CPQ: variants seen among roughly 807,000 people sequenced by gnomAD.
CPQ encodes the protein carboxypeptidase Q.
CPQ carries 37 observed loss-of-function variants against 45.7 expected under a neutral mutation model. The observed-to-expected ratio is 0.81, with a 90% CI of 0.62 to 1.07. The LOEUF (loss-of-function observed/expected upper bound fraction) is 1.07, where lower values mean the gene tolerates loss of function less well. Among genes scored for constraint, CPQ ranks in the 50% least tolerant of loss-of-function variants. CPQ has a pLI of 0.00. For missense variants in CPQ, 537 were observed against 572.9 expected, an observed-to-expected ratio of 0.94 and a Z score of 0.64; for synonymous variants, 186 against 205.8, an observed-to-expected ratio of 0.90 and a Z score of 0.82.
intron 7 of CPQ, among the ~76,000 whole-genome samples, chr8:97,098,599 C>T (rs1172895417): frequency 1.3e-5 from 2 of 152,114 alleles, no homozygotes; most frequent in African/African-American, 4.8e-5. Context: ...TTAAGGTCCT[C>T]TTTAGATTAT....
At chr8:96,717,038 TATATATATATATATATA>T (rs1809686366) in intron 1 of CPQ, among the ~76,000 whole-genome samples, 3 of 34,288 alleles carry the variant, frequency 8.7e-5, no homozygotes, top group Non-Finnish European at 2.4e-4. Context: ...TATATATATA[TATATATATATATATATA>T]TATATATATA....
At chr8:96,931,629 G>T (rs1198156928) in intron 4 of CPQ, among the ~76,000 whole-genome samples, 1 of 152,220 alleles carries the variant, frequency 6.6e-6, no homozygotes, top group East Asian at 1.9e-4. Flanking sequence ...TTCTTCAGCT[G>T]GAGTCCCTTC....
intron 7 of CPQ, among the ~76,000 whole-genome samples, chr8:97,110,013 A>G (rs989890452): frequency 6.6e-6 from 1 of 152,152 alleles, no homozygotes; most frequent in Non-Finnish European, 1.5e-5. Context: ...CAATTGACAT[A>G]TGGTAAAATG....
intron 7 of CPQ, among the ~76,000 whole-genome samples, chr8:97,099,524 A>G (rs1811268104): frequency 6.6e-6 from 1 of 151,278 alleles, no homozygotes; most frequent in Non-Finnish European, 1.5e-5. Flanking sequence ...CATTTTGATT[A>G]TAGGAAAAAT....
chr8:96,889,974 A>G (rs554581833), intron 4 of CPQ, among the ~76,000 whole-genome samples: 35 of 152,222 alleles, frequency 2.3e-4, no homozygotes, highest in African/African-American at 7.5e-4. Context: ...CTTCAATCCA[A>G]TCAAGTTGAC....
At chr8:97,055,908 T>A (rs570194062) in intron 6 of CPQ, among the ~76,000 whole-genome samples, 1 of 152,240 alleles carries the variant, frequency 6.6e-6, no homozygotes, top group Non-Finnish European at 1.5e-5. Context: ...AAGACCAGCC[T>A]GGGCAACCTG....
At chr8:96,993,406 T>C (rs1809127798) in intron 5 of CPQ, among the ~76,000 whole-genome samples, 1 of 152,296 alleles carries the variant, frequency 6.6e-6, no homozygotes, top group East Asian at 1.9e-4. Context: ...AAAATAATGA[T>C]GTGGGTCCTG....
At chr8:96,816,477 C>G (rs778874819) in intron 2 of CPQ, among the ~76,000 whole-genome samples, 4 of 152,158 alleles carry the variant, frequency 2.6e-5, no homozygotes, top group Non-Finnish European at 4.4e-5. Context: ...GAATCAACTT[C>G]TTCCAAACTC....
At chr8:96,902,920 C>T (rs1356088853) in intron 4 of CPQ, among the ~76,000 whole-genome samples, 1 of 152,206 alleles carries the variant, frequency 6.6e-6, no homozygotes. Flanking sequence ...AGTTTTTCTT[C>T]TAGCTCATTC....
chr8:96,927,326 C>A (rs79798960), intron 4 of CPQ, among the ~76,000 whole-genome samples: 1 of 152,148 alleles, frequency 6.6e-6, no homozygotes. Context: ...TGTTCCCCAT[C>A]GTGCATGCAT....
intron 4 of CPQ, among the ~76,000 whole-genome samples, chr8:96,932,395 A>C (rs186215547): frequency 1.3e-5 from 2 of 152,348 alleles, no homozygotes; most frequent in Admixed American, 6.5e-5. Flanking sequence ...AGCATCATAA[A>C]GTATGTATCC....
chr8:96,850,115 A>C (rs1811751075), intron 3 of CPQ, among the ~76,000 whole-genome samples: 1 of 152,178 alleles, frequency 6.6e-6, no homozygotes, highest in Non-Finnish European at 1.5e-5. Context: ...AGGAGTTAGA[A>C]TATTCAATGT....
intron 4 of CPQ, among the ~76,000 whole-genome samples, chr8:96,930,067 C>T (rs977988912): frequency 2.6e-5 from 4 of 152,076 alleles, no homozygotes; most frequent in African/African-American, 4.8e-5. Flanking sequence ...TTCCCTGAGA[C>T]ATATTCAGAA....
At chr8:97,022,938 A>G (rs1809715498) in intron 5 of CPQ, among the ~76,000 whole-genome samples, 1 of 149,958 alleles carries the variant, frequency 6.7e-6, no homozygotes, top group Non-Finnish European at 1.5e-5. Flanking sequence ...ACACGTTTAT[A>G]GCAGCACAAT....
At chr8:97,043,309 C>T (rs1409538545) in intron 6 of CPQ, among the ~76,000 whole-genome samples, 1 of 150,670 alleles carries the variant, frequency 6.6e-6, no homozygotes, top group Non-Finnish European at 1.5e-5. Context: ...GGATTGCAAC[C>T]CCTGCCTTTT....
At chr8:97,064,555 A>G (rs915286740) in intron 6 of CPQ, among the ~76,000 whole-genome samples, 1 of 152,230 alleles carries the variant, frequency 6.6e-6, no homozygotes, top group Non-Finnish European at 1.5e-5. Flanking sequence ...AAATATGAAC[A>G]GAGTTCTGCA....
intron 4 of CPQ, among the ~76,000 whole-genome samples, chr8:96,886,930 C>T (rs1371987363): frequency 6.6e-6 from 1 of 152,148 alleles, no homozygotes; most frequent in African/African-American, 2.4e-5. Context: ...CCTTAGAGCA[C>T]CCCTGAAGGA....
chr8:97,029,307 C>A, intron 5 of CPQ, 96 bp from the exon 6 acceptor site: 1 of 1,202,466 alleles, frequency 8.3e-7, no homozygotes, highest in Middle Eastern at 2.8e-4. Context: ...CTCTGATTTC[C>A]TCCTTCCTCC....
At position 96,833,500 on chromosome 8, in the gene CPQ, T is replaced by G. The variant is rs571293997; in HGVS notation, c.434-1473T>G. 2.6e-5 allele frequency among the ~76,000 whole-genome samples: 4 copies of G among 152,246 alleles called. No homozygotes were observed. In the East Asian group the frequency reaches 5.8e-4, roughly 22 times the overall value. ...GTGGACTATCGAACCTGTTATTCATTAGGAGCAGCTGCAAACCATCAGCCA... is the reference window on the plus strand; with the variant it reads ...GTGGACTATCGAACCTGTTATTCATGAGGAGCAGCTGCAAACCATCAGCCA... On this transcript the variant is annotated intron_variant, in intron 2 of 7. Coordinates refer to ENST00000220763, the MANE Select transcript of CPQ (RefSeq NM_016134.4).
Sources: allele counts gnomAD v4.1 joint callset (sites outside exome capture counted in the v4.1 genomes callset), GRCh38; gene constraint gnomAD v4.1.1; transcripts MANE v1.5; gene names NCBI Gene and HGNC (gene_info 2026-07-23, HGNC 2026-07-21).